EYS: variants seen among roughly 807,000 people sequenced by gnomAD.
The protein encoded by EYS is EGF-like photoreceptor maintenance factor.
EYS carries 250 observed loss-of-function variants against 282.1 expected under a neutral mutation model. That is an observed-to-expected ratio of 0.89 (90% confidence interval 0.80 to 0.98). The LOEUF (loss-of-function observed/expected upper bound fraction) is 0.98. EYS is among the 50% of genes least tolerant of loss of function. The pLI, the probability that EYS is intolerant of heterozygous loss-of-function variation, is 0.00. For synonymous variants in EYS, 1,355 were observed against 1,282.9 expected (o/e 1.06, Z -1.20); for missense variants, 4,016 against 3,709.0 (o/e 1.08, Z -2.15).
At chr6:63,847,823 T>G (rs963683247) in intron 36 of EYS, among the ~76,000 whole-genome samples, 1 of 152,214 alleles carries the variant, frequency 6.6e-6, no homozygotes, top group Non-Finnish European at 1.5e-5. Context: ...CCCAATTTTA[T>G]GAGTGAAGAT....
chr6:64,813,662 T>C (rs931514845), intron 21 of EYS, 85 bp from the exon 22 acceptor site: 1 of 815,494 alleles, frequency 1.2e-6, no homozygotes, highest in East Asian at 3.3e-5. Context: ...TTAAACATAA[T>C]CTAAAAAACT....
rs369350912 is a variant in EYS at position 63,752,716 on chromosome 6, C to A, written c.8071+9745G>T. Among the ~76,000 whole-genome samples, 26 of 151,950 alleles carry A rather than the reference C, an allele frequency of 1.7e-4. No individual in the cohort carries two copies. The East Asian group carries it at 4.7e-3, about 27-fold the overall frequency. ...TTCACCGTGTTACCCAGGATGGTCT[C>A]GATCTCCTGACCTCGTGATCCTCCT... On this transcript the variant is annotated intron_variant, in intron 41 of 42. Coordinates refer to ENST00000503581, the MANE Select transcript of EYS (RefSeq NM_001142800.2).
At chr6:64,436,660 T>C (rs1014528715) in intron 27 of EYS, among the ~76,000 whole-genome samples, 2 of 151,850 alleles carry the variant, frequency 1.3e-5, no homozygotes, top group Non-Finnish European at 2.9e-5. Flanking sequence ...AATATTAATG[T>C]CACAGGAAGG....
At chr6:65,054,979 G>GT (rs35084998) in intron 13 of EYS, among the ~76,000 whole-genome samples, 55,651 of 151,726 alleles carry the variant, frequency 0.37, 10,970 homozygotes, top group East Asian at 0.68. Flanking sequence ...TTTTGTTACT[G>GT]TTTTTTATTT....
chr6:64,235,690 GT>G (rs1288831501), intron 30 of EYS, among the ~76,000 whole-genome samples: 1 of 152,124 alleles, frequency 6.6e-6, no homozygotes, highest in East Asian at 1.9e-4. Flanking sequence ...GGTTGAACTA[GT>G]TTACAGTCCC....
chr6:65,412,936 T>C (rs1045594777), intron 5 of EYS, among the ~76,000 whole-genome samples: 2 of 152,114 alleles, frequency 1.3e-5, no homozygotes, highest in Non-Finnish European at 2.9e-5. Flanking sequence ...GATTTCAAAA[T>C]GGGGAGAACT....
At chr6:65,623,772 A>T (rs916684194) in intron 2 of EYS, among the ~76,000 whole-genome samples, 1 of 152,214 alleles carries the variant, frequency 6.6e-6, no homozygotes, top group African/African-American at 2.4e-5. Flanking sequence ...CATGCAGTAG[A>T]CGTCCAGTGA....
intron 36 of EYS, among the ~76,000 whole-genome samples, chr6:63,854,704 T>C (rs1380750857): frequency 6.6e-6 from 1 of 152,202 alleles, no homozygotes; most frequent in African/African-American, 2.4e-5. Context: ...ATGTATATAA[T>C]ATATGCTAAA....
At chr6:65,016,607 C>A (rs1772061048) in intron 13 of EYS, among the ~76,000 whole-genome samples, 1 of 152,124 alleles carries the variant, frequency 6.6e-6, no homozygotes, top group Admixed American at 6.5e-5. Context: ...TTACAGAAGT[C>A]TTTAGTGAAA....
intron 19 of EYS, among the ~76,000 whole-genome samples, chr6:64,851,164 G>A (rs1765869984): frequency 6.6e-6 from 1 of 152,034 alleles, no homozygotes; most frequent in South Asian, 2.1e-4. Context: ...CACCATGCAT[G>A]GAGAAGGTGG....
intron 26 of EYS, among the ~76,000 whole-genome samples, chr6:64,513,238 G>A (rs925483116): frequency 2.6e-5 from 4 of 151,736 alleles, no homozygotes; most frequent in Non-Finnish European, 4.4e-5. Context: ...AATTAAAAAT[G>A]GATTAGCTAT....
chr6:64,185,668 G>T (rs1039237166), intron 31 of EYS, among the ~76,000 whole-genome samples: 1 of 152,126 alleles, frequency 6.6e-6, no homozygotes, highest in African/African-American at 2.4e-5. Context: ...GTGCCAAACG[G>T]CTCTGTTGTG....
At chr6:64,705,000 AAAT>A (rs1178837239) in intron 22 of EYS, among the ~76,000 whole-genome samples, 1 of 152,168 alleles carries the variant, frequency 6.6e-6, no homozygotes, top group Non-Finnish European at 1.5e-5. Context: ...AGATAAAAAA[AAAT>A]AATAAAGGGT....
chr6:65,602,147 C>G (rs545948310), intron 2 of EYS, among the ~76,000 whole-genome samples: 1 of 151,852 alleles, frequency 6.6e-6, no homozygotes, highest in Non-Finnish European at 1.5e-5. Context: ...TTTAAAGTAT[C>G]TTGTCAATGT....
At chr6:64,485,151 G>C (rs1004021045) in intron 26 of EYS, among the ~76,000 whole-genome samples, 7 of 151,616 alleles carry the variant, frequency 4.6e-5, no homozygotes, top group African/African-American at 1.7e-4. Flanking sequence ...TACTGTGTTA[G>C]AAATAAGGGT....
intron 40 of EYS, among the ~76,000 whole-genome samples, chr6:63,763,676 C>A (rs1012200983): frequency 6.6e-6 from 1 of 151,668 alleles, no homozygotes; most frequent in Non-Finnish European, 1.5e-5. Context: ...GTTTGCTTCC[C>A]CTTCCACCAT....
chr6:65,187,540 G>T (rs1430235304), intron 12 of EYS, among the ~76,000 whole-genome samples: 1 of 151,572 alleles, frequency 6.6e-6, no homozygotes, highest in Non-Finnish European at 1.5e-5. Context: ...ACTTTTTCAT[G>T]CAGTTTTCAC....
At chr6:64,289,194 T>C (rs568366103) in intron 30 of EYS, among the ~76,000 whole-genome samples, 3 of 152,162 alleles carry the variant, frequency 2.0e-5, no homozygotes, top group South Asian at 4.1e-4. Flanking sequence ...CATGGCAATA[T>C]TAAAAAATCT....
At chr6:63,970,030 C>T (rs1766482199) in intron 35 of EYS, among the ~76,000 whole-genome samples, 1 of 152,142 alleles carries the variant, frequency 6.6e-6, no homozygotes, top group South Asian at 2.1e-4. Context: ...CAGACCCCCG[C>T]TACGAGTGGA....
Sources: gnomAD v4.1 joint callset for allele counts (sites outside exome capture counted in the v4.1 genomes callset) on GRCh38, gnomAD v4.1.1 for gene constraint, MANE v1.5 for transcripts, NCBI Gene and HGNC (gene_info 2026-07-23, HGNC 2026-07-21) for gene names.